NUP98: variants seen among roughly 807,000 people sequenced by gnomAD.
NUP98 encodes nuclear pore complex protein Nup98-Nup96.
A neutral mutation model predicts 191.9 loss-of-function variants in NUP98; 26 were observed. The observed-to-expected ratio is 0.14, with a 90% CI of 0.10 to 0.19. The LOEUF is 0.19. Ranked by LOEUF, NUP98 falls within the 10% of genes least tolerant of loss-of-function variation. NUP98 has a pLI of 1.00. For synonymous variants in NUP98, 808 were observed against 778.4 expected (o/e 1.04, Z -0.63); for missense variants, 1,941 against 2,178.8 (o/e 0.89, Z 2.17).
At position 3,683,191 on chromosome 11, in the gene NUP98, A is replaced by G. The variant is rs2078028538; in HGVS notation, c.4918+9T>C. The G allele has an allele frequency of 6.2e-7, 1 of 1,614,050 alleles. No homozygotes were observed. Among genetic ancestry groups the G allele is most frequent in the Admixed American group, 1.7e-5 (1 of 59,992 alleles). Reference sequence around the variant, plus strand: ...GGTGATTCCAGGAGATGTGGAACCCAGCACTCACCAGAAGCTAAGTGTCGG... The same window carrying G: ...GGTGATTCCAGGAGATGTGGAACCCGGCACTCACCAGAAGCTAAGTGTCGG... On this transcript the variant is annotated intron_variant, in intron 30 of 32. Coordinates refer to ENST00000324932, the MANE Select transcript of NUP98 (RefSeq NM_016320.5).
At chr11:3,684,958 T>C (rs2078095778) in intron 29 of NUP98, among the ~76,000 whole-genome samples, 1 of 152,192 alleles carries the variant, frequency 6.6e-6, no homozygotes, top group Non-Finnish European at 1.5e-5. Context: ...GCACAGACTC[T>C]GGACGAAAGT....
intron 2 of NUP98, 108 bp from the exon 3 acceptor site, chr11:3,779,365 T>C (rs1222485945): frequency 2.0e-5 from 19 of 966,756 alleles, no homozygotes; most frequent in Non-Finnish European, 2.3e-5. Context: ...TTTGAGGCTG[T>C]GCATGGTGGC....
chr11:3,764,272 A>G (rs569932096), intron 8 of NUP98, among the ~76,000 whole-genome samples: 111 of 152,342 alleles, frequency 7.3e-4, no homozygotes, highest in African/African-American at 2.5e-3. Context: ...TGTAGCATAT[A>G]TTAGTACTTC....
At chr11:3,771,604 T>A (rs892202955) in intron 7 of NUP98, 144 bp downstream of exon 7, 6 of 662,450 alleles carry the variant, frequency 9.1e-6, no homozygotes, top group Admixed American at 5.7e-5. Context: ...TTTCCCCACA[T>A]ACATCCAGGC....
intron 10 of NUP98, 61 bp from the exon 11 acceptor site, chr11:3,753,469 AG>A: frequency 7.5e-7 from 1 of 1,335,334 alleles, no homozygotes; most frequent in Non-Finnish European, 1.1e-6. Context: ...TTCCTCTATA[AG>A]GGAGTTTAAC....
intron 30 of NUP98, among the ~76,000 whole-genome samples, chr11:3,682,375 G>A (rs2078008164): frequency 1.3e-5 from 2 of 152,156 alleles, no homozygotes; most frequent in Admixed American, 6.5e-5. Flanking sequence ...GCTTCTCTCT[G>A]TACACCTAAT....
chr11:3,735,371 TGCAAGGATACAATGCA>T, intron 12 of NUP98, 47 bp from the exon 13 acceptor site: 1 of 1,019,516 alleles, frequency 9.8e-7, no homozygotes, highest in Non-Finnish European at 1.3e-6. Flanking sequence ...TATATATAAA[TGCAAGGATACAATGCA>T]TTTGTAACAC....
At chr11:3,735,443 A>C in intron 12 of NUP98, 119 bp from the exon 13 acceptor site, 1 of 437,014 alleles carries the variant, frequency 2.3e-6, no homozygotes, top group Non-Finnish European at 3.6e-6. Context: ...AAATGCTCAG[A>C]TCAATGGTAT....
At chr11:3,706,346 C>T in intron 21 of NUP98, 99 bp downstream of exon 21, 2 of 1,119,952 alleles carry the variant, frequency 1.8e-6, no homozygotes, top group Admixed American at 1.9e-5. Context: ...AGTGAGCACT[C>T]AATGATCTTA....
intron 1 of NUP98, among the ~76,000 whole-genome samples, chr11:3,795,159 G>A (rs2082485968): frequency 1.3e-5 from 2 of 152,176 alleles, no homozygotes; most frequent in Admixed American, 1.3e-4. Flanking sequence ...GTCAGGTACT[G>A]GCTGGGCACA....
In NUP98 at chr11:3,743,779, C is replaced by T. The variant is rs190540124; in HGVS notation, c.1408+730G>A. ...AGTATGAAAAACACCTCAGGCTGTG[C>T]GTGGTGGCTTACACCTGTAATCCTT... On this transcript the variant is annotated intron_variant, in intron 12 of 32. Coordinates refer to ENST00000324932, the MANE Select transcript of NUP98 (RefSeq NM_016320.5). Among the ~76,000 whole-genome samples, 9 of 151,544 alleles carry T rather than the reference C, an allele frequency of 5.9e-5. No individual in the cohort carries two copies. In the East Asian group the frequency reaches 1.8e-3, roughly 29 times the overall value.
chr11:3,693,997 G>A lies in NUP98; in HGVS notation c.4168-622C>T, dbSNP rs567431832. 4.7e-3 allele frequency among the ~76,000 whole-genome samples: 721 copies of A among 151,972 alleles called. 11 individuals carry two copies. The highest frequency in any genetic ancestry group is 0.017 in the African/African-American group (688 of 41,418). On this transcript the variant is annotated intron_variant, in intron 26 of 32. Transcript: ENST00000324932. ...TGTAATCCCAGCACTTTGGGAGGCC[G>A]AGGTGGTCGGATTACCTGAGGTCAG...
chr11:3,789,501 C>CTTTTTTTTTTTTTTTTT (rs914589009), intron 1 of NUP98, among the ~76,000 whole-genome samples: 22 of 123,066 alleles, frequency 1.8e-4, no homozygotes, highest in Middle Eastern at 4.5e-3. Context: ...TTACCTATTT[C>CTTTTTTTTTTTTTTTTT]TTTTTTTTTT....
Position 3,762,935 on chromosome 11 carries a change from C to T in NUP98, c.1053G>A (p.Gly351=). ...TAFGTGTGLF[G]QTNTGFGAVG... ...CAGCACCAAATCCAGTATTGGTCTG[C>T]CCAAAGAGACCTGTTCCTGTTCCAA... is the stretch of plus-strand genomic sequence containing the variant. The change falls in exon 9 of 33, where the codon GGG becomes GGA. Residue 351 remains glycine (G), a synonymous_variant. Transcript: ENST00000324932. The T allele has an allele frequency of 6.2e-7, 1 of 1,614,126 alleles. No homozygotes were observed. Among genetic ancestry groups the T allele is most frequent in the South Asian group, 1.1e-5 (1 of 91,082 alleles).
rs371782660 is a variant in NUP98, at chr11:3,783,698, TCAAAAA to T, written c.-28-1559_-28-1554del. Among the ~76,000 whole-genome samples the T allele has an allele frequency of 1.8e-3, 280 of 152,072 alleles. 2 individuals are homozygous for T. Among genetic ancestry groups the T allele is most frequent in the African/African-American group, 6.1e-3 (253 of 41,448 alleles). On this transcript the variant is annotated intron_variant, in intron 1 of 32. Transcript: ENST00000324932. ...TGGGTGACAAGAATGAAACTCTGTC[TCAAAAA>T]CAAAAACAAAAACAAAAACGCTCAC... is the stretch of plus-strand genomic sequence containing the variant.
At position 3,713,939 on chromosome 11, in the gene NUP98, AAAC is replaced by A. The variant is rs753815597; in HGVS notation, c.2453_2455del (p.Cys818del). ...AGCAAGGCGATCTGGGCTCTTTATT[AAAC>A]AACGAGATGTTTTATCTGTTGGCCA... On this transcript the variant is annotated inframe_deletion, in exon 19 of 33. Transcript: ENST00000324932. The A allele has an allele frequency of 5.0e-6, 8 of 1,614,138 alleles. No homozygotes were observed. Among genetic ancestry groups the A allele is most frequent in the South Asian group, 1.1e-5 (1 of 91,082 alleles).
At chr11:3,783,843 A>G (rs546098602) in intron 1 of NUP98, among the ~76,000 whole-genome samples, 2 of 152,286 alleles carry the variant, frequency 1.3e-5, no homozygotes, top group African/African-American at 4.8e-5. Flanking sequence ...CCCTGTCTGA[A>G]TAAGAATAGC....
At chr11:3,765,225 T>C (rs2081297310) in intron 8 of NUP98, among the ~76,000 whole-genome samples, 1 of 152,210 alleles carries the variant, frequency 6.6e-6, no homozygotes, top group Non-Finnish European at 1.5e-5. Flanking sequence ...GGTCTCATTA[T>C]GTCGCTCAGG....
At chr11:3,721,199 A>G (rs1246338806) in intron 16 of NUP98, among the ~76,000 whole-genome samples, 6 of 152,212 alleles carry the variant, frequency 3.9e-5, no homozygotes, top group Admixed American at 3.9e-4. Context: ...ATACTCTGAG[A>G]AAAGCTTAAT....
Sources: gnomAD v4.1 joint callset for allele counts (sites outside exome capture counted in the v4.1 genomes callset) on GRCh38, gnomAD v4.1.1 for gene constraint, MANE v1.5 for transcripts, NCBI Gene and HGNC (gene_info 2026-07-23, HGNC 2026-07-21) for gene names.